FHIT: variants seen among roughly 807,000 people sequenced by gnomAD.
FHIT encodes the protein bis(5'-adenosyl)-triphosphatase.
FHIT carries 19 observed loss-of-function variants against 17.9 expected under a neutral mutation model. That is an observed-to-expected ratio of 1.06 (90% CI 0.74 to 1.56). The LOEUF is 1.56. Among genes scored for constraint, FHIT ranks in the 40% most tolerant of loss-of-function variants. The pLI is 0.00. For missense variants in FHIT, 248 were observed against 189.2 expected (o/e 1.31, Z -1.82); for synonymous variants, 81 against 69.7 (o/e 1.16, Z -0.81).
chr3:60,341,856 C>T (rs376586516), intron 5 of FHIT, among the ~76,000 whole-genome samples: 13 of 152,100 alleles, frequency 8.5e-5, no homozygotes, highest in African/African-American at 2.9e-4. Context: ...GAACCCTGTA[C>T]GTGGCATGGG....
chr3:60,079,461 G>C (rs1306817491), intron 5 of FHIT, among the ~76,000 whole-genome samples: 2 of 151,962 alleles, frequency 1.3e-5, no homozygotes, highest in African/African-American at 4.8e-5. Context: ...GTTAAAAATA[G>C]TTTTTCCTTA....
intron 5 of FHIT, among the ~76,000 whole-genome samples, chr3:60,460,296 G>T (rs564166164): frequency 1.3e-5 from 2 of 152,042 alleles, no homozygotes; most frequent in Non-Finnish European, 2.9e-5. Flanking sequence ...TGTCTTGCCA[G>T]AATGAGAGGT....
intron 5 of FHIT, among the ~76,000 whole-genome samples, chr3:60,236,871 T>A (rs1704825840): frequency 2.0e-5 from 3 of 152,192 alleles, no homozygotes. Flanking sequence ...TTTAGCTACA[T>A]ATGCACATAT....
intron 5 of FHIT, among the ~76,000 whole-genome samples, chr3:60,026,701 A>C (rs1700752875): frequency 6.6e-6 from 1 of 152,232 alleles, no homozygotes; most frequent in South Asian, 2.1e-4. Flanking sequence ...AATATTGTAA[A>C]TATTTAAACG....
At chr3:59,899,662 C>T (rs1041254430) in intron 8 of FHIT, among the ~76,000 whole-genome samples, 1 of 150,788 alleles carries the variant, frequency 6.6e-6, no homozygotes, top group Non-Finnish European at 1.5e-5. Context: ...GGCGAAACCC[C>T]GTCTGTACTA....
chr3:61,178,911 G>A (rs1432555727), intron 2 of FHIT, among the ~76,000 whole-genome samples: 1 of 152,014 alleles, frequency 6.6e-6, no homozygotes, highest in Non-Finnish European at 1.5e-5. Context: ...GCCATGCCAT[G>A]GCTAGATTTG....
intron 3 of FHIT, among the ~76,000 whole-genome samples, chr3:61,028,720 C>A (rs576896856): frequency 2.0e-5 from 3 of 152,108 alleles, no homozygotes; most frequent in Non-Finnish European, 4.4e-5. Context: ...GAAACACTTA[C>A]CCCAGTGCCC....
Position 60,974,883 on chromosome 3 carries a change from T to G in FHIT, c.-111+67164A>C, listed in dbSNP as rs1710170356. On this transcript the variant is annotated intron_variant, in intron 3 of 9. Coordinates refer to ENST00000492590, the MANE Select transcript of FHIT (RefSeq NM_002012.4). ...CATTCTTGAAGTTCCAAAGTTAGAGTATTATTGGCATTTTTCACCTATTCC... is the reference window on the plus strand; with the variant it reads ...CATTCTTGAAGTTCCAAAGTTAGAGGATTATTGGCATTTTTCACCTATTCC... 2.0e-5 allele frequency among the ~76,000 whole-genome samples: 3 copies of G among 152,090 alleles called. 1 individual carries two copies. In the South Asian group the frequency reaches 6.2e-4, roughly 32 times the overall value.
At chr3:60,190,908 A>T (rs1196469905) in intron 5 of FHIT, among the ~76,000 whole-genome samples, 1 of 151,948 alleles carries the variant, frequency 6.6e-6, no homozygotes, top group African/African-American at 2.4e-5. Flanking sequence ...GCACCCTTGC[A>T]CTCCAGCCTG....
chr3:59,948,420 G>T (rs1012953356), intron 7 of FHIT, among the ~76,000 whole-genome samples: 9 of 151,736 alleles, frequency 5.9e-5, no homozygotes, highest in Admixed American at 3.3e-4. Context: ...GGGAGGCTGA[G>T]TCAGGAGAAT....
At chr3:60,357,755 C>T (rs1175098475) in intron 5 of FHIT, among the ~76,000 whole-genome samples, 1 of 152,142 alleles carries the variant, frequency 6.6e-6, no homozygotes, top group Non-Finnish European at 1.5e-5. Flanking sequence ...TATTGCAAAG[C>T]ATATTTTAAA....
intron 7 of FHIT, among the ~76,000 whole-genome samples, chr3:59,987,958 T>C (rs1709059630): frequency 6.6e-6 from 1 of 152,128 alleles, no homozygotes; most frequent in Non-Finnish European, 1.5e-5. Context: ...AGACGTAACC[T>C]GACCCACTAC....
chr3:59,979,948 A>G (rs1447107056), intron 7 of FHIT, among the ~76,000 whole-genome samples: 1 of 152,202 alleles, frequency 6.6e-6, no homozygotes, highest in African/African-American at 2.4e-5. Context: ...TAATAAGGTC[A>G]GCTGACAACA....
At chr3:60,498,159 T>A (rs945939489) in intron 5 of FHIT, among the ~76,000 whole-genome samples, 7 of 152,298 alleles carry the variant, frequency 4.6e-5, no homozygotes, top group African/African-American at 1.4e-4. Flanking sequence ...AACACCAAGA[T>A]GGACAGCAAA....
intron 5 of FHIT, among the ~76,000 whole-genome samples, chr3:60,211,428 G>A (rs928083767): frequency 6.6e-6 from 1 of 151,952 alleles, no homozygotes; most frequent in African/African-American, 2.4e-5. Flanking sequence ...GATTGATTCT[G>A]AAATCATAAA....
intron 3 of FHIT, among the ~76,000 whole-genome samples, chr3:60,981,265 G>T (rs554121740): frequency 1.1e-4 from 16 of 150,976 alleles, no homozygotes; most frequent in African/African-American, 3.6e-4. Flanking sequence ...CTCTGACCAG[G>T]CCTTTTCTCC....
At chr3:59,868,084 C>A in intron 8 of FHIT, among the ~76,000 whole-genome samples, 1 of 142,738 alleles carries the variant, frequency 7.0e-6, no homozygotes, top group East Asian at 2.0e-4. Context: ...TTGTGTTTTG[C>A]CAGAATAAAG....
chr3:59,940,110 T>C (rs1323449198), intron 7 of FHIT, among the ~76,000 whole-genome samples: 1 of 152,152 alleles, frequency 6.6e-6, no homozygotes, highest in Non-Finnish European at 1.5e-5. Context: ...GAGCTTCAGA[T>C]TTCTTGTTTG....
At chr3:60,826,152 TGGAAGGAAGGAA>T (rs201232384) in intron 3 of FHIT, among the ~76,000 whole-genome samples, 31,174 of 127,948 alleles carry the variant, frequency 0.24, 4,361 homozygotes, top group Middle Eastern at 0.35. Context: ...GATGAATGGA[TGGAAGGAAGGAA>T]GGAAGGAAGG....
Sources: gnomAD v4.1 joint callset for allele counts (sites outside exome capture counted in the v4.1 genomes callset) on GRCh38, gnomAD v4.1.1 for gene constraint, MANE v1.5 for transcripts, NCBI Gene and HGNC (gene_info 2026-07-23, HGNC 2026-07-21) for gene names.